OPCML: variants seen among roughly 807,000 people sequenced by gnomAD.
OPCML encodes opioid-binding protein/cell adhesion molecule.
OPCML carries 13 observed loss-of-function variants against 37.8 expected under a neutral mutation model. The ratio of observed to expected loss-of-function variants is 0.34; its 90% CI spans 0.22 to 0.55. The LOEUF (loss-of-function observed/expected upper bound fraction) is 0.55. OPCML is among the 20% of genes least tolerant of loss of function. The pLI, the probability that OPCML is intolerant of heterozygous loss-of-function variation, is 0.91. For synonymous variants in OPCML, 176 were observed against 168.8 expected (o/e 1.04, Z -0.33); for missense variants, 341 against 435.6 (o/e 0.78, Z 1.93).
intron 1 of OPCML, among the ~76,000 whole-genome samples, chr11:133,293,797 A>G (rs1449054040): frequency 6.6e-6 from 1 of 151,908 alleles, no homozygotes; most frequent in Non-Finnish European, 1.5e-5. Context: ...ACAGGTGCCC[A>G]TTAGGGCTTG....
intron 1 of OPCML, chr11:133,007,721 G>A (rs1947138658): frequency 1.0e-6 from 1 of 985,460 alleles, no homozygotes; most frequent in South Asian, 4.7e-5. Flanking sequence ...AGTGTCTGAT[G>A]GAAGCAGACC....
chr11:132,755,291 A>G (rs77650786), intron 2 of OPCML, among the ~76,000 whole-genome samples: 1,608 of 152,326 alleles, frequency 0.011, 14 homozygotes, highest in Middle Eastern at 0.031. Flanking sequence ...TAAATATTTA[A>G]TATATACCTT....
chr11:133,169,303 C>T (rs922635934), intron 1 of OPCML, among the ~76,000 whole-genome samples: 2 of 152,100 alleles, frequency 1.3e-5, no homozygotes, highest in African/African-American at 4.8e-5. Flanking sequence ...AATTTCTTAA[C>T]TATTTTGTCA....
intron 2 of OPCML, among the ~76,000 whole-genome samples, chr11:132,922,413 C>G (rs1319894946): frequency 6.6e-6 from 1 of 152,060 alleles, no homozygotes; most frequent in African/African-American, 2.4e-5. Flanking sequence ...CAAAAGAGGT[C>G]GGATGGGCAC....
chr11:133,152,331 C>T (rs1949998117), intron 1 of OPCML, among the ~76,000 whole-genome samples: 1 of 152,160 alleles, frequency 6.6e-6, no homozygotes, highest in Non-Finnish European at 1.5e-5. Flanking sequence ...GGCAAAACTC[C>T]ATTGTTATCT....
At chr11:132,424,210 C>T (rs574231186) in intron 7 of OPCML, among the ~76,000 whole-genome samples, 2 of 151,928 alleles carry the variant, frequency 1.3e-5, no homozygotes, top group African/African-American at 4.8e-5. Context: ...AGCTCCACCT[C>T]CTGGGTTCAC....
In OPCML at chr11:133,296,664, G is replaced by C. The variant is rs201640689; in HGVS notation, c.61+235600C>G. On this transcript the variant is annotated intron_variant, in intron 1 of 7. Coordinates refer to ENST00000524381, the MANE Select transcript of OPCML (RefSeq NM_001012393.5). ...AAGCGTGTGGAACTCTGTAATTCGGGAACAAGGCAGATTGACTTTTCTCAG... is the reference window on the plus strand; with the variant it reads ...AAGCGTGTGGAACTCTGTAATTCGGCAACAAGGCAGATTGACTTTTCTCAG... Among the ~76,000 whole-genome samples the C allele has an allele frequency of 2.0e-5, 3 of 152,178 alleles. No individual in the cohort carries two copies. The East Asian group carries it at 5.8e-4, about 29-fold the overall frequency.
chr11:133,395,232 T>C (rs1945260199), intron 1 of OPCML, among the ~76,000 whole-genome samples: 1 of 152,234 alleles, frequency 6.6e-6, no homozygotes, highest in Admixed American at 6.5e-5. Flanking sequence ...TTAGAATTTT[T>C]CCTATAGAGT....
At chr11:133,424,776 C>A (rs2136902804) in intron 1 of OPCML, among the ~76,000 whole-genome samples, 1 of 152,248 alleles carries the variant, frequency 6.6e-6, no homozygotes, top group East Asian at 1.9e-4. Context: ...ATACATATTG[C>A]CAAATGAATG....
At chr11:132,646,505 T>C (rs182929510) in intron 3 of OPCML, among the ~76,000 whole-genome samples, 154 of 152,194 alleles carry the variant, frequency 1.0e-3, no homozygotes, top group Non-Finnish European at 1.1e-3. Context: ...ACTGTTAAAA[T>C]GAATTATAGG....
At chr11:132,895,220 CA>C (rs1346265362) in intron 2 of OPCML, among the ~76,000 whole-genome samples, 1 of 152,134 alleles carries the variant, frequency 6.6e-6, no homozygotes, top group Non-Finnish European at 1.5e-5. Flanking sequence ...TTTAATTCAC[CA>C]CTTATAAGAG....
At chr11:133,500,570 C>A (rs1591571545) in intron 1 of OPCML, among the ~76,000 whole-genome samples, 1 of 152,218 alleles carries the variant, frequency 6.6e-6, no homozygotes, top group South Asian at 2.1e-4. Context: ...TCCCTTCCCA[C>A]CACCTCCCCT....
At chr11:133,484,094 ATAGATAGAT>A (rs1340911534) in intron 1 of OPCML, among the ~76,000 whole-genome samples, 2 of 150,154 alleles carry the variant, frequency 1.3e-5, no homozygotes, top group Non-Finnish European at 2.9e-5. Context: ...TCATAGATGA[ATAGATAGAT>A]TAGATAGATG....
intron 3 of OPCML, among the ~76,000 whole-genome samples, chr11:132,586,449 C>T (rs1472112605): frequency 6.6e-6 from 1 of 152,174 alleles, no homozygotes; most frequent in East Asian, 1.9e-4. Context: ...GGTATCTCTG[C>T]TAGGGCAGAT....
In OPCML at chr11:132,667,558, G is replaced by A. The variant is rs1039439739; in HGVS notation, c.147-10239C>T. 8.5e-5 allele frequency among the ~76,000 whole-genome samples: 13 copies of A among 152,118 alleles called. No homozygotes were observed. The East Asian group carries it at 2.3e-3, about 27-fold the overall frequency. On this transcript the variant is annotated intron_variant, in intron 2 of 7. Coordinates refer to ENST00000524381, the MANE Select transcript of OPCML (RefSeq NM_001012393.5). Reference sequence around the variant, plus strand: ...GATAACTGTCAGAGAAAAGTTACAGGGAAAGTGAGAAAACATTAGATATAA... The same window carrying A: ...GATAACTGTCAGAGAAAAGTTACAGAGAAAGTGAGAAAACATTAGATATAA...
intron 2 of OPCML, among the ~76,000 whole-genome samples, chr11:132,848,269 C>T (rs1042105051): frequency 5.9e-5 from 9 of 152,166 alleles, no homozygotes; most frequent in African/African-American, 1.9e-4. Flanking sequence ...TATGATGCTA[C>T]CTTTAAAGAA....
At chr11:132,782,923 A>ATATATATATATATATATATATATATG (rs1947083666) in intron 2 of OPCML, among the ~76,000 whole-genome samples, 1 of 143,388 alleles carries the variant, frequency 7.0e-6, no homozygotes, top group Non-Finnish European at 1.5e-5. Flanking sequence ...GTGTGTATAT[A>ATATATATATATATATATATATATATG]TATATATATA....
intron 3 of OPCML, among the ~76,000 whole-genome samples, chr11:132,553,861 T>C (rs1034717502): frequency 3.9e-5 from 6 of 152,180 alleles, no homozygotes; most frequent in African/African-American, 7.2e-5. Context: ...TGAAGCTGAA[T>C]TGGATCTACT....
intron 1 of OPCML, among the ~76,000 whole-genome samples, chr11:133,519,311 A>G (rs1948353563): frequency 6.6e-6 from 1 of 152,246 alleles, no homozygotes; most frequent in Non-Finnish European, 1.5e-5. Context: ...AAATTCTGAA[A>G]GCATAATTAA....
Sources: allele counts gnomAD v4.1 joint callset (sites outside exome capture counted in the v4.1 genomes callset), GRCh38; gene constraint gnomAD v4.1.1; transcripts MANE v1.5; gene names NCBI Gene and HGNC (gene_info 2026-07-23, HGNC 2026-07-21).